ELOVL6: variants seen among roughly 807,000 people sequenced by gnomAD.
ELOVL6 encodes the protein very long chain fatty acid elongase 6.
In ELOVL6, 8 loss-of-function variants were observed where a neutral mutation model predicts 31.7. That is an observed-to-expected ratio of 0.25 (90% CI 0.15 to 0.45). ELOVL6 has a LOEUF of 0.45. Ranked by LOEUF, ELOVL6 falls within the 20% of genes least tolerant of loss-of-function variation. The probability of loss-of-function intolerance (pLI) is 1.00; values close to 1 mark genes in which losing one functional copy is unlikely to be tolerated. For synonymous variants in ELOVL6, 101 were observed against 117.7 expected (o/e 0.86, Z 0.92); for missense variants, 126 against 326.4 (o/e 0.39, Z 4.73).
chr4:110,059,845 C>G, intron 2 of ELOVL6, 91 bp from the exon 3 acceptor site: 1 of 1,091,486 alleles, frequency 9.2e-7, no homozygotes. Context: ...TGGCCACTGG[C>G]AGGAAATAGG....
In ELOVL6 at chr4:110,051,890, A is replaced by G; in HGVS notation, c.374-128T>C. On this transcript the variant is annotated intron_variant, in intron 3 of 3. Coordinates refer to ENST00000302274, the MANE Select transcript of ELOVL6 (RefSeq NM_024090.3). This position sits in a 1 kb window ranked among gnomAD's most constrained non-coding sequence, Gnocchi z 4.8. ...TTACATAGACTGGATTAGAACCCTG[A>G]ACTGGTACTTACTAGCTCTGTGACC... 1.4e-6 allele frequency: 1 copy of G among 727,718 alleles called. No individual in the cohort carries two copies. Among genetic ancestry groups the G allele is most frequent in the Non-Finnish European group, 2.3e-6 (1 of 436,630 alleles). 45.1% of individuals were successfully genotyped at this position (727,718 alleles called of 1,614,324 possible).
chr4:110,059,321 G>A (rs982915666), intron 3 of ELOVL6, among the ~76,000 whole-genome samples: 1 of 152,134 alleles, frequency 6.6e-6, no homozygotes, highest in Non-Finnish European at 1.5e-5. Context: ...AGGGGTCTCT[G>A]TACATTTTAT....
intron 1 of ELOVL6, among the ~76,000 whole-genome samples, chr4:110,193,424 G>C (rs1218594421): frequency 6.6e-6 from 1 of 152,118 alleles, no homozygotes; most frequent in East Asian, 1.9e-4. Flanking sequence ...GACCAACACG[G>C]TGAATTCCCA....
intron 1 of ELOVL6, among the ~76,000 whole-genome samples, chr4:110,152,068 G>T (rs1193341811): frequency 6.6e-6 from 1 of 152,196 alleles, no homozygotes; most frequent in African/African-American, 2.4e-5. Context: ...GTAACAGTAA[G>T]ATAAATATTC....
Position 110,047,288 on chromosome 4 carries a change from A to G in ELOVL6, c.*4050T>C, listed in dbSNP as rs1264924588. Reference sequence around the variant, plus strand: ...CTCTACTCTCCTCACAGCCTCTTGAATCAGACCTTGGCCAATCCAGTTACT... The same window carrying G: ...CTCTACTCTCCTCACAGCCTCTTGAGTCAGACCTTGGCCAATCCAGTTACT... On this transcript the variant is annotated 3_prime_UTR_variant, in exon 4 of 4. Coordinates refer to ENST00000302274, the MANE Select transcript of ELOVL6 (RefSeq NM_024090.3). 2.0e-5 allele frequency: 3 copies of G among 151,898 alleles called. No individual in the cohort carries two copies. Among genetic ancestry groups the G allele is most frequent in the Admixed American group, 6.6e-5 (1 of 15,252 alleles). The allele number at this position is 151,898 out of a possible 1,614,324, so 9.4% of individuals were successfully genotyped here.
At chr4:110,086,643 A>T (rs1024687608) in intron 2 of ELOVL6, among the ~76,000 whole-genome samples, 1 of 152,156 alleles carries the variant, frequency 6.6e-6, no homozygotes, top group Non-Finnish European at 1.5e-5. Flanking sequence ...AATTATGACC[A>T]TGCTTCCCAG....
intron 1 of ELOVL6, among the ~76,000 whole-genome samples, chr4:110,173,388 A>G (rs938859993): frequency 1.3e-5 from 2 of 152,030 alleles, no homozygotes; most frequent in African/African-American, 4.8e-5. Context: ...TTCTCATCCT[A>G]GAACATCCAG....
At position 110,081,411 on chromosome 4, in the gene ELOVL6, C is replaced by T. The variant is rs565303026; in HGVS notation, c.222-21657G>A. ...AAAACAGAGATATAGACCAATGGAA[C>T]AGAATGGAGCCCTCAGAAATAATGC... On this transcript the variant is annotated intron_variant, in intron 2 of 3. Coordinates refer to ENST00000302274, the MANE Select transcript of ELOVL6 (RefSeq NM_024090.3). Among the ~76,000 whole-genome samples, 9 of 152,262 alleles carry T rather than the reference C, an allele frequency of 5.9e-5. No homozygotes were observed. The South Asian group carries it at 1.9e-3, about 32-fold the overall frequency.
At chr4:110,069,305 A>C (rs1329726986) in intron 2 of ELOVL6, among the ~76,000 whole-genome samples, 1 of 145,616 alleles carries the variant, frequency 6.9e-6, no homozygotes, top group Non-Finnish European at 1.5e-5. Context: ...AGCAGGATTT[A>C]TGTCACTTAA....
At chr4:110,110,489 C>A (rs1345977213) in intron 1 of ELOVL6, among the ~76,000 whole-genome samples, 1 of 149,918 alleles carries the variant, frequency 6.7e-6, no homozygotes, top group Non-Finnish European at 1.5e-5. Flanking sequence ...CTCACTGCAG[C>A]CTCAGCCTCC....
At position 110,059,609 on chromosome 4, in the gene ELOVL6, C is replaced by G; in HGVS notation, c.367G>C (p.Glu123Gln). The change falls in exon 3 of 4, where the codon GAA becomes CAA. Residue 123 changes from glutamate (E) to glutamine (Q), a missense_variant. Around this residue, in one of 3 missense-constraint regions of ELOVL6, gnomAD observed 53 missense variants for 193.4 expected, o/e 0.27. Transcript: ENST00000302274. ...AATGGAAGAAGATACTCACCTAGTT[C>G]GGGTGCTTTGCTTAGCACAAATGCA... ...AYAFVLSKAP[E>Q]LGDTIFIILR... 6.2e-7 allele frequency: 1 copy of G among 1,613,424 alleles called. No individual in the cohort carries two copies. The highest frequency in any genetic ancestry group is 8.5e-7 in the Non-Finnish European group (1 of 1,179,656).
chr4:110,197,486 G>T (rs555679208), intron 1 of ELOVL6, among the ~76,000 whole-genome samples: 2 of 152,286 alleles, frequency 1.3e-5, no homozygotes, highest in Admixed American at 1.3e-4. Context: ...ACTCCAATCA[G>T]CAGCTACGCA....
At chr4:110,064,430 T>C (rs1315182147) in intron 2 of ELOVL6, among the ~76,000 whole-genome samples, 1 of 152,120 alleles carries the variant, frequency 6.6e-6, no homozygotes, top group Non-Finnish European at 1.5e-5. Flanking sequence ...GTAACTTCTA[T>C]TTTGTACTGT....
At chr4:110,060,353 C>T (rs1560801262) in intron 2 of ELOVL6, among the ~76,000 whole-genome samples, 1 of 152,144 alleles carries the variant, frequency 6.6e-6, no homozygotes, top group Non-Finnish European at 1.5e-5. Context: ...TCTGTCACCT[C>T]CTCCAGGAAG....
At chr4:110,147,459 A>T (rs893924559) in intron 1 of ELOVL6, among the ~76,000 whole-genome samples, 1 of 152,168 alleles carries the variant, frequency 6.6e-6, no homozygotes, top group African/African-American at 2.4e-5. Context: ...GCTTCTGCAC[A>T]GCAAGAGAAA....
At chr4:110,197,106 G>C (rs1381768549) in intron 1 of ELOVL6, among the ~76,000 whole-genome samples, 1 of 152,206 alleles carries the variant, frequency 6.6e-6, no homozygotes, top group African/African-American at 2.4e-5. Flanking sequence ...GCACGCGGCG[G>C]GCGGAATCCC....
intron 3 of ELOVL6, among the ~76,000 whole-genome samples, chr4:110,058,314 C>T (rs75696346): frequency 4.3e-4 from 66 of 152,312 alleles, no homozygotes; most frequent in African/African-American, 1.5e-3. Context: ...CAGGCATGCA[C>T]ATGCACGCGG....
intron 1 of ELOVL6, chr4:110,117,903 A>AAAAAAAAAAAAAAATATAT: frequency 4.6e-4 from 3 of 6,506 alleles, no homozygotes; most frequent in African/African-American, 9.8e-4. Context: ...AAAAAAAAAA[A>AAAAAAAAAAAAAAATATAT]ATATATATAT....
chr4:110,060,816 A>G (rs998492628), intron 2 of ELOVL6, among the ~76,000 whole-genome samples: 1 of 152,218 alleles, frequency 6.6e-6, no homozygotes, highest in African/African-American at 2.4e-5. Flanking sequence ...AGATCAATGA[A>G]TGAACAACTG....
Sources: allele counts gnomAD v4.1 joint callset (sites outside exome capture counted in the v4.1 genomes callset), GRCh38; gene constraint gnomAD v4.1.1; regional missense constraint gnomAD v4.1.1; non-coding constraint Gnocchi (gnomAD v3.1); transcripts MANE v1.5; gene names NCBI Gene and HGNC (gene_info 2026-07-23, HGNC 2026-07-21).